ADAM12: variants seen among roughly 807,000 people sequenced by gnomAD.
The protein encoded by ADAM12 is ADAM metallopeptidase domain 12.
In ADAM12, 70 loss-of-function variants were observed where a neutral mutation model predicts 106.4. The ratio of observed to expected loss-of-function variants is 0.66; its 90% CI spans 0.54 to 0.80. The LOEUF (loss-of-function observed/expected upper bound fraction) is 0.80. Among genes scored for constraint, ADAM12 ranks in the 30% least tolerant of loss-of-function variants. ADAM12 has a pLI of 0.00. For synonymous variants in ADAM12, 420 were observed against 433.5 expected (o/e 0.97, Z 0.39); for missense variants, 1,010 against 1,171.9 (o/e 0.86, Z 2.02).
intron 3 of ADAM12, among the ~76,000 whole-genome samples, chr10:126,181,024 A>G (rs1171568322): frequency 6.6e-6 from 1 of 152,194 alleles, no homozygotes; most frequent in Non-Finnish European, 1.5e-5. Context: ...AACATAAATA[A>G]CTAATAAAGA....
chr10:126,053,642 T>TA lies in ADAM12; in HGVS notation c.1610-3974dup, dbSNP rs1017083965. On this transcript the variant is annotated intron_variant, in intron 14 of 22. Transcript: ENST00000448723. The surrounding 1 kb of genome is among the most constrained non-coding windows in gnomAD (Gnocchi z 4.6). Reference sequence around the variant, plus strand: ...AATCACATTTTAATTTAGATTGTCTTAAAAAAAAAACCTCTCCCACACCGT... The same window carrying TA: ...AATCACATTTTAATTTAGATTGTCTTAAAAAAAAAAACCTCTCCCACACCGT... Among the ~76,000 whole-genome samples, 119 of 148,830 alleles carry TA rather than the reference T, an allele frequency of 8.0e-4. No homozygotes were observed. The highest frequency in any genetic ancestry group is 1.8e-3 in the African/African-American group (72 of 40,648).
chr10:126,357,059 T>C (rs962488207), intron 1 of ADAM12, among the ~76,000 whole-genome samples: 1 of 152,190 alleles, frequency 6.6e-6, no homozygotes, highest in Non-Finnish European at 1.5e-5. Flanking sequence ...AAATAATGGC[T>C]GAAAACTTCC....
intron 20 of ADAM12, 109 bp from the exon 21 acceptor site, chr10:126,036,434 G>C (rs1157401336): frequency 9.1e-7 from 1 of 1,101,396 alleles, no homozygotes; most frequent in African/African-American, 1.7e-5. Context: ...GGCCAAGGTG[G>C]GGTAAAGGAA....
Position 126,263,680 on chromosome 10 carries a change from C to A in ADAM12, c.260+15235G>T, listed in dbSNP as rs192756918. Among the ~76,000 whole-genome samples, 623 of 152,200 alleles carry A rather than the reference C, an allele frequency of 4.1e-3. 6 individuals carry two copies. Among genetic ancestry groups the A allele is most frequent in the African/African-American group, 0.013 (547 of 41,524 alleles). On this transcript the variant is annotated intron_variant, in intron 3 of 22. Transcript: ENST00000448723. The stretch of plus-strand genomic sequence containing the variant: ...ATTAATTTATGTGTCCTTCAGTAAC[C>A]TTGAATCTTTTCTATAATATGATAG...
At chr10:126,218,365 T>C (rs1272342673) in intron 3 of ADAM12, among the ~76,000 whole-genome samples, 1 of 152,188 alleles carries the variant, frequency 6.6e-6, no homozygotes, top group Non-Finnish European at 1.5e-5. Context: ...TAGGTATTCT[T>C]ATGCCCATTT....
intron 1 of ADAM12, among the ~76,000 whole-genome samples, chr10:126,376,104 AG>A (rs1225888199): frequency 2.6e-5 from 4 of 152,118 alleles, no homozygotes; most frequent in Non-Finnish European, 5.9e-5. Context: ...AGAAAAATAA[AG>A]GAAGTAGAAT....
At chr10:126,176,319 C>T (rs1249661323) in intron 3 of ADAM12, among the ~76,000 whole-genome samples, 1 of 152,228 alleles carries the variant, frequency 6.6e-6, no homozygotes, top group Non-Finnish European at 1.5e-5. Context: ...ACACTGCTCT[C>T]GGCCAAGGCC....
At chr10:126,297,989 G>A (rs886451232) in intron 2 of ADAM12, among the ~76,000 whole-genome samples, 1 of 152,010 alleles carries the variant, frequency 6.6e-6, no homozygotes, top group Non-Finnish European at 1.5e-5. Context: ...GGTTTGGGTT[G>A]GGATCTCAAA....
At chr10:126,041,094 C>T (rs755821284) in intron 18 of ADAM12, among the ~76,000 whole-genome samples, 8 of 152,162 alleles carry the variant, frequency 5.3e-5, no homozygotes, top group South Asian at 2.1e-4. Flanking sequence ...TCCTGACAAC[C>T]CCCTGCCGCT....
intron 18 of ADAM12, chr10:126,041,533 G>T (rs1954169621): frequency 1.0e-6 from 1 of 985,728 alleles, no homozygotes; most frequent in Admixed American, 6.1e-5. Flanking sequence ...AAGAGCCAGA[G>T]TTCACCGCCC....
intron 1 of ADAM12, among the ~76,000 whole-genome samples, chr10:126,362,684 G>C (rs1855780693): frequency 6.6e-6 from 1 of 152,094 alleles, no homozygotes; most frequent in Non-Finnish European, 1.5e-5. Flanking sequence ...AATAAGCCAG[G>C]CACAGACAGA....
intron 1 of ADAM12, among the ~76,000 whole-genome samples, chr10:126,385,854 C>T (rs1337642203): frequency 6.6e-6 from 1 of 152,120 alleles, no homozygotes; most frequent in African/African-American, 2.4e-5. Context: ...AGACAGGAAA[C>T]TTGAATGCTC....
At chr10:126,260,707 A>G (rs939716118) in intron 3 of ADAM12, among the ~76,000 whole-genome samples, 1 of 152,148 alleles carries the variant, frequency 6.6e-6, no homozygotes, top group Non-Finnish European at 1.5e-5. Flanking sequence ...GCCACTGAAA[A>G]CCAGAGACCA....
At chr10:126,114,444 A>C (rs991484207) in intron 6 of ADAM12, among the ~76,000 whole-genome samples, 2 of 152,124 alleles carry the variant, frequency 1.3e-5, no homozygotes, top group African/African-American at 4.8e-5. Flanking sequence ...GGGCCAAGGA[A>C]GTGGTGCTGC....
Position 126,142,699 on chromosome 10 carries a change from C to T in ADAM12, c.340-7039G>A, listed in dbSNP as rs114035822. Among the ~76,000 whole-genome samples the T allele has an allele frequency of 9.6e-3, 1,467 of 152,294 alleles. 17 individuals carry two copies. The highest frequency in any genetic ancestry group is 0.03 in the African/African-American group (1,232 of 41,568). On this transcript the variant is annotated intron_variant, in intron 4 of 22. Transcript: ENST00000448723. ...CTATCACCTAAAATCCATACATGGG[C>T]GGAATGCTTTTCCTGGGTACCGCAG...
At chr10:126,302,460 G>A (rs545681374) in intron 2 of ADAM12, among the ~76,000 whole-genome samples, 18 of 152,162 alleles carry the variant, frequency 1.2e-4, no homozygotes, top group African/African-American at 4.1e-4. Flanking sequence ...AATGTGTTTC[G>A]GCAAAAACAG....
At chr10:126,028,787 G>A (rs937763272) in intron 21 of ADAM12, among the ~76,000 whole-genome samples, 5 of 151,814 alleles carry the variant, frequency 3.3e-5, no homozygotes, top group Middle Eastern at 3.4e-3. Context: ...ATTGACAAAC[G>A]GGATCTAATT....
chr10:126,094,297 G>T lies in ADAM12; in HGVS notation c.997-164C>A, dbSNP rs143075995. Among the ~76,000 whole-genome samples the T allele has an allele frequency of 2.3e-4, 35 of 152,270 alleles. No individual in the cohort carries two copies. In the East Asian group the frequency reaches 5.0e-3, roughly 22 times the overall value. On this transcript the variant is annotated intron_variant, in intron 10 of 22. Coordinates refer to ENST00000448723, the MANE Select transcript of ADAM12 (RefSeq NM_001288973.2). ...CTATCATTTAGTTTAAACTTAAAAA[G>T]ATATAATTTGACATTTCATTAAGCC...
At chr10:126,321,482 C>T (rs1854092077) in intron 2 of ADAM12, among the ~76,000 whole-genome samples, 1 of 152,130 alleles carries the variant, frequency 6.6e-6, no homozygotes, top group African/African-American at 2.4e-5. Context: ...AAATGCAGAG[C>T]CCTTCCTTGG....
Sources: gnomAD v4.1 joint callset for allele counts (sites outside exome capture counted in the v4.1 genomes callset) on GRCh38, gnomAD v4.1.1 for gene constraint, Gnocchi (gnomAD v3.1) non-coding constraint, MANE v1.5 for transcripts, NCBI Gene and HGNC (gene_info 2026-07-23, HGNC 2026-07-21) for gene names.